The following DLG2 variants were observed in gnomAD, a reference collection of about 807,000 sequenced individuals.
DLG2 encodes the protein discs large MAGUK scaffold protein 2, also known as disks large homolog 2.
A neutral mutation model predicts 132.5 loss-of-function variants in DLG2; 45 were observed. The observed-to-expected ratio is 0.34, with a 90% CI of 0.27 to 0.44. The LOEUF (loss-of-function observed/expected upper bound fraction) is 0.44. Ranked by LOEUF, DLG2 falls within the 20% of genes least tolerant of loss-of-function variation. The pLI is 1.00. For synonymous variants in DLG2, 424 were observed against 419.6 expected (o/e 1.01, Z -0.13); for missense variants, 1,045 against 1,196.9 (o/e 0.87, Z 1.87).
At chr11:85,484,074 G>C (rs555743342) in intron 3 of DLG2, among the ~76,000 whole-genome samples, 1 of 152,124 alleles carries the variant, frequency 6.6e-6, no homozygotes, top group African/African-American at 2.4e-5. Context: ...AACAAGTACC[G>C]TAAGGGAAAG....
intron 5 of DLG2, among the ~76,000 whole-genome samples, chr11:85,116,976 G>C (rs1208844512): frequency 2.0e-5 from 3 of 151,968 alleles, no homozygotes; most frequent in African/African-American, 7.2e-5. Flanking sequence ...AACTTCCTTG[G>C]GTTTAGGAGG....
intron 7 of DLG2, among the ~76,000 whole-genome samples, chr11:84,350,294 G>C (rs2098558045): frequency 6.6e-6 from 1 of 151,636 alleles, no homozygotes; most frequent in African/African-American, 2.4e-5. Context: ...TGAACCTCTT[G>C]AAATTACATT....
chr11:84,256,840 T>C (rs764943613), intron 7 of DLG2, among the ~76,000 whole-genome samples: 5 of 152,116 alleles, frequency 3.3e-5, no homozygotes, highest in South Asian at 2.1e-4. Flanking sequence ...ATGTGTGTGA[T>C]TTCATTATGA....
At chr11:84,880,133 C>T (rs1180643504) in intron 6 of DLG2, among the ~76,000 whole-genome samples, 5 of 152,064 alleles carry the variant, frequency 3.3e-5, no homozygotes, top group Admixed American at 3.3e-4. Flanking sequence ...GGAGGGGAAG[C>T]ATCTCACCAG....
chr11:85,612,209 G>A (rs1028785188), intron 2 of DLG2, among the ~76,000 whole-genome samples: 7 of 152,180 alleles, frequency 4.6e-5, no homozygotes, highest in East Asian at 1.9e-4. Flanking sequence ...GTCAACAAGG[G>A]CATAGCCCGA....
intron 6 of DLG2, among the ~76,000 whole-genome samples, chr11:84,664,695 G>T (rs537334364): frequency 6.6e-6 from 1 of 152,190 alleles, no homozygotes; most frequent in East Asian, 1.9e-4. Context: ...TCAAAAAATT[G>T]TATTGATTTT....
At chr11:83,819,166 C>T (rs1052725017) in intron 17 of DLG2, among the ~76,000 whole-genome samples, 7 of 151,992 alleles carry the variant, frequency 4.6e-5, no homozygotes, top group Admixed American at 6.6e-5. Flanking sequence ...GCAGACCCTC[C>T]GCCAAATGAA....
intron 3 of DLG2, among the ~76,000 whole-genome samples, chr11:85,401,415 T>C (rs1029833662): frequency 6.6e-6 from 1 of 152,106 alleles, no homozygotes; most frequent in Non-Finnish European, 1.5e-5. Flanking sequence ...AGAATTCCAC[T>C]TGAAAACCAG....
chr11:84,544,490 G>A (rs1354277714), intron 6 of DLG2, among the ~76,000 whole-genome samples: 1 of 152,142 alleles, frequency 6.6e-6, no homozygotes, highest in East Asian at 1.9e-4. Flanking sequence ...AGTTTCTAAA[G>A]TGCTAAATAA....
At chr11:84,541,968 T>C (rs2099373701) in intron 6 of DLG2, among the ~76,000 whole-genome samples, 1 of 152,288 alleles carries the variant, frequency 6.6e-6, no homozygotes, top group Non-Finnish European at 1.5e-5. Flanking sequence ...GGTTCTCTGG[T>C]GCAATTTGGA....
At chr11:84,007,061 C>A (rs1025507018) in intron 11 of DLG2, among the ~76,000 whole-genome samples, 1 of 151,712 alleles carries the variant, frequency 6.6e-6, no homozygotes, top group African/African-American at 2.4e-5. Context: ...CTCACTCGAT[C>A]ACCCTTATAG....
intron 19 of DLG2, among the ~76,000 whole-genome samples, chr11:83,593,615 G>C (rs149280317): frequency 6.7e-6 from 1 of 149,520 alleles, no homozygotes; most frequent in East Asian, 2.0e-4. Context: ...TGCACAATGT[G>C]CACATGTACC....
intron 7 of DLG2, among the ~76,000 whole-genome samples, chr11:84,422,917 C>G (rs984013716): frequency 6.6e-5 from 10 of 152,154 alleles, no homozygotes; most frequent in African/African-American, 1.9e-4. Flanking sequence ...AACATCATGA[C>G]TCTAGACCTA....
intron 6 of DLG2, among the ~76,000 whole-genome samples, chr11:84,907,510 T>C (rs2091647799): frequency 6.6e-6 from 1 of 152,138 alleles, no homozygotes; most frequent in South Asian, 2.1e-4. Flanking sequence ...ACAAGCACCT[T>C]GAATTAAGGA....
intron 2 of DLG2, among the ~76,000 whole-genome samples, chr11:85,603,092 T>A (rs2153234283): frequency 6.6e-6 from 1 of 152,324 alleles, no homozygotes; most frequent in South Asian, 2.1e-4. Flanking sequence ...AACAGAGAGC[T>A]CACTCCAATT....
chr11:85,184,385 G>A (rs533160859), intron 4 of DLG2, among the ~76,000 whole-genome samples: 2 of 150,532 alleles, frequency 1.3e-5, no homozygotes, highest in Non-Finnish European at 3.0e-5. Flanking sequence ...CATAGATTAG[G>A]AATTTCTATT....
rs538035158 is a variant in DLG2, at chr11:85,569,117, C to T, written c.40+29540G>A. 3.6e-4 allele frequency among the ~76,000 whole-genome samples: 55 copies of T among 152,276 alleles called. 2 individuals are homozygous for T. The South Asian group carries it at 0.011, about 32-fold the overall frequency. The stretch of plus-strand genomic sequence containing the variant: ...TGTGATCTCAGCTCACTGCAACCTC[C>T]ACCTCCCAGGTTTGAGCAATTCTCC... On this transcript the variant is annotated intron_variant, in intron 3 of 27. Coordinates refer to ENST00000376104, the MANE Select transcript of DLG2 (RefSeq NM_001142699.3).
At chr11:85,383,050 C>T (rs2086023292) in intron 3 of DLG2, among the ~76,000 whole-genome samples, 1 of 152,104 alleles carries the variant, frequency 6.6e-6, no homozygotes, top group African/African-American at 2.4e-5. Flanking sequence ...CAGTATTATT[C>T]ATAATAGTCA....
chr11:85,395,513 G>A (rs186019001), intron 3 of DLG2, among the ~76,000 whole-genome samples: 8 of 152,302 alleles, frequency 5.3e-5, no homozygotes, highest in African/African-American at 1.2e-4. Context: ...AAGGGAAGCC[G>A]TGACAGGCCA....
Sources: gnomAD v4.1 joint callset for allele counts (sites outside exome capture counted in the v4.1 genomes callset) on GRCh38, gnomAD v4.1.1 for gene constraint, MANE v1.5 for transcripts, NCBI Gene and HGNC (gene_info 2026-07-23, HGNC 2026-07-21) for gene names.